Variants in NHSL2 observed in about 807,000 individuals in gnomAD.
NHSL2 encodes the protein NHS like 2, also known as NHS-like protein 2.
Under a neutral mutation model 53.4 loss-of-function variants are expected in NHSL2, and 27 were observed. The ratio of observed to expected loss-of-function variants is 0.51; its 90% CI spans 0.37 to 0.70. The LOEUF (loss-of-function observed/expected upper bound fraction) is 0.70, where lower values mean the gene tolerates loss of function less well. Among genes scored for constraint, NHSL2 ranks in the 30% least tolerant of loss-of-function variants. The pLI, the probability that NHSL2 is intolerant of heterozygous loss-of-function variation, is 0.00. For synonymous variants in NHSL2, 408 were observed against 404.1 expected (o/e 1.01, Z -0.12); for missense variants, 892 against 980.1 (o/e 0.91, Z 1.20).
At chrX:72,129,839 G>A (rs767497557) in intron 1 of NHSL2, 2 of 1,190,472 alleles carry the variant, frequency 1.7e-6, no homozygotes, top group South Asian at 1.9e-5. Flanking sequence ...ACTCAAACTC[G>A]AATTCGGCCA....
At position 72,139,239 on chromosome X, in the gene NHSL2, C is replaced by G; in HGVS notation, c.1691C>G (p.Ala564Gly). Residue 564 changes from alanine (A) to glycine (G), a missense_variant, in exon 6 of 8, where the codon GCC (alanine) becomes GGC (glycine). Coordinates refer to ENST00000633930, the MANE Select transcript of NHSL2 (RefSeq NM_001013627.3). ...TCCAAGAGTATCTCACTTAGGAAGG[C>G]CAAAAAGAAGCCTTCCCCACCCACA... ...QRSKSISLRK[A>G]KKKPSPPTRS... 1 of 1,183,061 alleles carries G rather than the reference C, an allele frequency of 8.5e-7. No individual in the cohort carries two copies. The highest frequency in any genetic ancestry group is 1.9e-5 in the South Asian group (1 of 53,809).
chrX:72,076,325 C>G (rs183333581), intron 1 of NHSL2, among the ~76,000 whole-genome samples: 12 of 111,532 alleles, frequency 1.1e-4, no homozygotes, highest in African/African-American at 3.6e-4. Flanking sequence ...ATTTTTTTGT[C>G]TCCATTATGG....
intron 1 of NHSL2, among the ~76,000 whole-genome samples, chrX:72,069,257 G>A (rs1411756835): frequency 1.8e-5 from 2 of 111,273 alleles, no homozygotes. Context: ...CGGGCGAGTC[G>A]GGTCCCGGGG....
At chrX:72,000,088 G>A (rs1486174674) in intron 1 of NHSL2, among the ~76,000 whole-genome samples, 1 of 112,007 alleles carries the variant, frequency 8.9e-6, no homozygotes, top group East Asian at 2.8e-4. Flanking sequence ...GTATGTATGT[G>A]TATATTTATA....
intron 1 of NHSL2, among the ~76,000 whole-genome samples, chrX:72,067,902 T>C (rs1297336082): frequency 2.7e-5 from 3 of 112,141 alleles, no homozygotes; most frequent in Middle Eastern, 4.2e-3. Context: ...AAGAGACCCT[T>C]GAAAGCTGGA....
rs1341394088 is a variant in NHSL2 at position 72,152,129 on chromosome X, A to G, written c.*8555A>G. The G allele has an allele frequency of 8.9e-6, 1 of 112,837 alleles. No homozygotes were observed. The highest frequency in any genetic ancestry group is 1.9e-5 in the Non-Finnish European group (1 of 53,329). The allele number at this position is 112,837 out of a possible 1,213,427, so 9.3% of individuals were successfully genotyped here. Reference sequence around the variant, plus strand: ...TCCTGTGTTTTGAATCTCTAAATGAATTCTGTTCTAAAGCTTCTTCACGTC... The same window carrying G: ...TCCTGTGTTTTGAATCTCTAAATGAGTTCTGTTCTAAAGCTTCTTCACGTC... On this transcript the variant is annotated 3_prime_UTR_variant, in exon 8 of 8. Transcript: ENST00000633930.
chrX:72,030,518 A>C (rs1767813179), intron 1 of NHSL2, among the ~76,000 whole-genome samples: 1 of 111,747 alleles, frequency 8.9e-6, no homozygotes, highest in Non-Finnish European at 1.9e-5. Flanking sequence ...GTGTGTGTAT[A>C]CATCTGTGTG....
rs189777160 is a variant in NHSL2 at position 71,920,114 on chromosome X, C to T, written c.280+8747C>T. The stretch of plus-strand genomic sequence containing the variant: ...AACTCTCACCAGCGTGGATATGAAG[C>T]GAGGAAAACCTGAGCTCACAGCCAG... On this transcript the variant is annotated intron_variant, in intron 1 of 7. Coordinates refer to ENST00000633930, the MANE Select transcript of NHSL2 (RefSeq NM_001013627.3). Among the ~76,000 whole-genome samples, 489 of 112,232 alleles carry T rather than the reference C, an allele frequency of 4.4e-3. 2 individuals carry two copies. The highest frequency in any genetic ancestry group is 6.9e-3 in the Non-Finnish European group (367 of 53,199).
intron 1 of NHSL2, among the ~76,000 whole-genome samples, chrX:71,972,892 G>GTGTGTGTGTGTTTGGCT (rs1556315156): frequency 9.1e-6 from 1 of 109,924 alleles, no homozygotes; most frequent in Non-Finnish European, 1.9e-5. Flanking sequence ...GTGTGTGTGT[G>GTGTGTGTGTGTTTGGCT]TGTGTGTGTT....
At chrX:72,027,350 A>G (rs1044945222) in intron 1 of NHSL2, 3 of 111,429 alleles carry the variant, frequency 2.7e-5, no homozygotes, top group Non-Finnish European at 5.7e-5. Context: ...GCTCCTGGAC[A>G]TCTTTTGGCT....
intron 1 of NHSL2, among the ~76,000 whole-genome samples, chrX:71,993,477 C>T (rs897928089): frequency 8.9e-6 from 1 of 111,940 alleles, no homozygotes; most frequent in Non-Finnish European, 1.9e-5. Flanking sequence ...ACTGCCCAGC[C>T]TCTCCACCCA....
intron 1 of NHSL2, among the ~76,000 whole-genome samples, chrX:72,085,313 A>G (rs1167008486): frequency 8.9e-6 from 1 of 112,563 alleles, no homozygotes; most frequent in East Asian, 2.8e-4. Context: ...GCCCTGCAAG[A>G]TAGCAAAATA....
rs1230220372 is a variant in NHSL2, at chrX:72,143,497, A to G, written c.3601A>G (p.Thr1201Ala). 3.4e-6 allele frequency: 4 copies of G among 1,165,150 alleles called. No homozygotes were observed. The East Asian group carries it at 1.3e-4, about 38-fold the overall frequency. ...SRPSAAELLK[T>A]TNPLARRIIA... Reference sequence around the variant, plus strand: ...TCCCTCAGCAGCTGAACTTCTGAAGACCACTAACCCACTGGCTCGGAGAAT... The same window carrying G: ...TCCCTCAGCAGCTGAACTTCTGAAGGCCACTAACCCACTGGCTCGGAGAAT... The change falls in exon 8 of 8, where the codon ACC becomes GCC. Residue 1201 changes from threonine to alanine, a missense_variant. By Grantham distance (58) the Thr-to-Ala change is moderately conservative. Transcript: ENST00000633930.
chrX:72,129,463 T>G, intron 1 of NHSL2: 1 of 179,862 alleles, frequency 5.6e-6, no homozygotes, highest in Non-Finnish European at 1.1e-5. Flanking sequence ...CTGTAGAACA[T>G]AGGGTGAAGA....
At chrX:72,124,921 C>T (rs781738960) in intron 1 of NHSL2, among the ~76,000 whole-genome samples, 6 of 111,957 alleles carry the variant, frequency 5.4e-5, no homozygotes, top group Non-Finnish European at 1.1e-4. Flanking sequence ...TTTTCTTACT[C>T]CTGGCAAGCC....
chrX:72,089,075 C>G (rs956626168), intron 1 of NHSL2, among the ~76,000 whole-genome samples: 3 of 111,092 alleles, frequency 2.7e-5, no homozygotes, highest in African/African-American at 6.6e-5. Context: ...ACTGGGGGAA[C>G]AAAAGCAGGT....
At chrX:72,037,789 G>T (rs1026888977) in intron 1 of NHSL2, among the ~76,000 whole-genome samples, 9 of 111,918 alleles carry the variant, frequency 8.0e-5, no homozygotes, top group African/African-American at 1.6e-4. Flanking sequence ...ATACCGTGTT[G>T]CAGGGCAGAG....
At chrX:72,115,431 C>CGGGGGGGGG (rs11336322) in intron 1 of NHSL2, among the ~76,000 whole-genome samples, 1 of 15,994 alleles carries the variant, frequency 6.3e-5, no homozygotes, top group African/African-American at 1.8e-4. Flanking sequence ...TTGGTGGGGG[C>CGGGGGGGGG]GGGGGGGGGG....
intron 1 of NHSL2, among the ~76,000 whole-genome samples, chrX:71,931,122 G>T (rs755215735): frequency 8.9e-6 from 1 of 112,225 alleles, no homozygotes; most frequent in South Asian, 3.7e-4. Flanking sequence ...TCTCATTGTG[G>T]ACTAAACATC....
Sources: allele counts gnomAD v4.1 joint callset (sites outside exome capture counted in the v4.1 genomes callset), GRCh38; gene constraint gnomAD v4.1.1; transcripts MANE v1.5; gene names NCBI Gene and HGNC (gene_info 2026-07-23, HGNC 2026-07-21).